The following OCA2 variants were observed in gnomAD, a reference collection of about 807,000 sequenced individuals.
OCA2 encodes P protein.
A neutral mutation model predicts 100.2 loss-of-function variants in OCA2; 77 were observed. That is an observed-to-expected ratio of 0.77 (90% confidence interval 0.64 to 0.93). The LOEUF (loss-of-function observed/expected upper bound fraction) is 0.93, where lower values mean the gene tolerates loss of function less well. OCA2 is among the 40% of genes least tolerant of loss of function. The pLI is 0.00. For synonymous variants in OCA2, 432 were observed against 439.2 expected (o/e 0.98, Z 0.21); for missense variants, 1,062 against 1,089.1 (o/e 0.98, Z 0.35).
intron 23 of OCA2, among the ~76,000 whole-genome samples, chr15:27,789,519 A>C (rs1376447092): frequency 6.6e-6 from 1 of 152,146 alleles, no homozygotes; most frequent in Non-Finnish European, 1.5e-5. Flanking sequence ...GAGGCTTTTC[A>C]TGTAAACAGC....
At chr15:28,075,339 C>A (rs2044397496) in intron 2 of OCA2, among the ~76,000 whole-genome samples, 1 of 152,098 alleles carries the variant, frequency 6.6e-6, no homozygotes, top group East Asian at 1.9e-4. Flanking sequence ...AACAAGCAGA[C>A]CTCACTCTCC....
At chr15:28,041,252 A>C (rs2043192005) in intron 2 of OCA2, among the ~76,000 whole-genome samples, 1 of 121,570 alleles carries the variant, frequency 8.2e-6, no homozygotes, top group Non-Finnish European at 1.5e-5. Flanking sequence ...CACAGTAAAG[A>C]AAAAAAAACG....
chr15:28,012,022 A>G (rs2042256578), intron 9 of OCA2, among the ~76,000 whole-genome samples: 1 of 152,130 alleles, frequency 6.6e-6, no homozygotes, highest in Non-Finnish European at 1.5e-5. Context: ...CTAAGAGAAA[A>G]TATTTGCAAA....
At chr15:27,926,104 T>A (rs751836551) in intron 19 of OCA2, 23 bp downstream of exon 19, 1 of 1,613,752 alleles carries the variant, frequency 6.2e-7, no homozygotes, top group African/African-American at 1.3e-5. Flanking sequence ...AAATGCCATA[T>A]GGCAAAAGTT....
At chr15:27,988,727 A>G (rs2041444401) in intron 11 of OCA2, among the ~76,000 whole-genome samples, 1 of 152,174 alleles carries the variant, frequency 6.6e-6, no homozygotes, top group Admixed American at 6.5e-5. Context: ...GATATCTGGT[A>G]CACTTCCTCT....
intron 23 of OCA2, among the ~76,000 whole-genome samples, chr15:27,842,496 G>A (rs1045156637): frequency 2.0e-5 from 3 of 152,192 alleles, no homozygotes; most frequent in Non-Finnish European, 2.9e-5. Context: ...ATCAGTGCAT[G>A]TGCAATTGCA....
the OCA2 span, among the ~76,000 whole-genome samples, chr15:27,720,815 A>G: frequency 6.6e-6 from 1 of 152,172 alleles, no homozygotes; most frequent in Non-Finnish European, 1.5e-5. Flanking sequence ...TAGTACCTCA[A>G]TAGAATTGTA....
the OCA2 span, among the ~76,000 whole-genome samples, chr15:27,743,299 G>A: frequency 3.3e-5 from 5 of 152,318 alleles, no homozygotes; most frequent in South Asian, 8.3e-4. Flanking sequence ...CAATGGATGC[G>A]GAGACGAGCA....
chr15:27,882,770 T>A (rs1259006035), intron 19 of OCA2, among the ~76,000 whole-genome samples: 1 of 152,190 alleles, frequency 6.6e-6, no homozygotes, highest in Admixed American at 6.5e-5. Context: ...TGGTTCAAAT[T>A]CAAATTTCCT....
chr15:27,986,653 A>G lies in OCA2; in HGVS notation c.1183-10T>C, dbSNP rs749998170. 3 of 1,516,386 alleles carry G rather than the reference A, an allele frequency of 2.0e-6. No homozygotes were observed. The highest frequency in any genetic ancestry group is 2.8e-6 in the Non-Finnish European group (3 of 1,089,720). 93.9% of individuals were successfully genotyped at this position (1,516,386 alleles called of 1,614,324 possible). ...TGGCTACTAAGATCATCTATGGGGAAAAGAAGAAGACAAGGATAATCTTTT... is the reference window on the plus strand; with the variant it reads ...TGGCTACTAAGATCATCTATGGGGAGAAGAAGAAGACAAGGATAATCTTTT... On this transcript the variant is annotated splice_polypyrimidine_tract_variant and intron_variant, in intron 11 of 23. Transcript: ENST00000354638.
intron 19 of OCA2, among the ~76,000 whole-genome samples, chr15:27,914,340 T>G (rs1395639743): frequency 1.3e-5 from 2 of 152,140 alleles, no homozygotes; most frequent in Non-Finnish European, 2.9e-5. Flanking sequence ...CTATTCAACA[T>G]AGTACTGGAA....
At chr15:27,846,805 AG>A (rs1033919119) in intron 22 of OCA2, among the ~76,000 whole-genome samples, 1 of 151,854 alleles carries the variant, frequency 6.6e-6, no homozygotes, top group African/African-American at 2.4e-5. Context: ...GATCTGGAGG[AG>A]GGGCTGCATA....
intron 23 of OCA2, among the ~76,000 whole-genome samples, chr15:27,820,720 T>C (rs1195218704): frequency 6.6e-6 from 1 of 152,248 alleles, no homozygotes; most frequent in African/African-American, 2.4e-5. Context: ...GTCAACACTT[T>C]ATTTTTATTC....
chr15:27,882,185 T>G (rs1217182071), intron 19 of OCA2, among the ~76,000 whole-genome samples: 1 of 152,180 alleles, frequency 6.6e-6, no homozygotes, highest in Non-Finnish European at 1.5e-5. Context: ...GAGTTTCTTA[T>G]TCTTCAGTGA....
intron 1 of OCA2, among the ~76,000 whole-genome samples, chr15:28,093,290 C>T (rs1322770941): frequency 6.6e-6 from 1 of 151,856 alleles, no homozygotes; most frequent in East Asian, 1.9e-4. Context: ...GGTGTGGTGG[C>T]GGGCGCCTGT....
At chr15:28,072,052 TAAAC>T (rs1188484194) in intron 2 of OCA2, among the ~76,000 whole-genome samples, 2 of 152,146 alleles carry the variant, frequency 1.3e-5, no homozygotes, top group Non-Finnish European at 2.9e-5. Context: ...ATTAGGAACT[TAAAC>T]AAATCAACAA....
rs2043267954 is a variant in OCA2, at chr15:28,043,647, A to G, written c.228-11484T>C. On this transcript the variant is annotated intron_variant, in intron 2 of 23. Coordinates refer to ENST00000354638, the MANE Select transcript of OCA2 (RefSeq NM_000275.3). This position sits in a 1 kb window ranked among gnomAD's most constrained non-coding sequence, Gnocchi z 4.4. ...AAATCTCAGCCCAGTGTGCAAAGAA[A>G]TCAGTATTGGAAGGATTGTTTTCAG... Among the ~76,000 whole-genome samples, 1 of 152,216 alleles carries G rather than the reference A, an allele frequency of 6.6e-6. No individual in the cohort carries two copies. Among genetic ancestry groups the G allele is most frequent in the African/African-American group, 2.4e-5 (1 of 41,458 alleles).
At chr15:28,039,161 G>A (rs1280709074) in intron 2 of OCA2, among the ~76,000 whole-genome samples, 1 of 151,380 alleles carries the variant, frequency 6.6e-6, no homozygotes, top group African/African-American at 2.4e-5. Context: ...AATATATGAT[G>A]CTGACAAAAC....
intron 23 of OCA2, among the ~76,000 whole-genome samples, chr15:27,784,298 G>A (rs1349666474): frequency 3.3e-5 from 5 of 152,112 alleles, no homozygotes; most frequent in African/African-American, 1.2e-4. Flanking sequence ...TGAAGGTTAG[G>A]GTGCATTGAG....
Sources: allele counts gnomAD v4.1 joint callset (sites outside exome capture counted in the v4.1 genomes callset), GRCh38; gene constraint gnomAD v4.1.1; non-coding constraint Gnocchi (gnomAD v3.1); transcripts MANE v1.5; gene names NCBI Gene and HGNC (gene_info 2026-07-23, HGNC 2026-07-21).